KANK1: variants seen among roughly 807,000 people sequenced by gnomAD.
KANK1 encodes KN motif and ankyrin repeat domain-containing protein 1.
Under a neutral mutation model 106.2 loss-of-function variants are expected in KANK1, and 109 were observed. That is an observed-to-expected ratio of 1.03 (90% CI 0.88 to 1.20). KANK1 has a LOEUF of 1.20. KANK1 is among the 50% of genes most tolerant of loss of function. KANK1 has a pLI of 0.00. For synonymous variants in KANK1, 873 were observed against 652.2 expected (o/e 1.34, Z -5.16); for missense variants, 2,399 against 1,710.7 (o/e 1.40, Z -7.10).
At chr9:591,665 AATT>A in intron 1 of KANK1, among the ~76,000 whole-genome samples, 1 of 151,772 alleles carries the variant, frequency 6.6e-6, no homozygotes, top group East Asian at 1.9e-4. Flanking sequence ...GTCAATATGC[AATT>A]ATTTATTTAT....
intron 2 of KANK1, among the ~76,000 whole-genome samples, chr9:696,892 C>T (rs1821438408): frequency 1.3e-5 from 2 of 152,160 alleles, no homozygotes; most frequent in Admixed American, 1.3e-4. Context: ...CTGGGCTGTG[C>T]TCCCTAGTGG....
intron 1 of KANK1, among the ~76,000 whole-genome samples, chr9:541,428 G>T (rs186744731): frequency 1.3e-5 from 2 of 152,094 alleles, no homozygotes; most frequent in Admixed American, 1.3e-4. Flanking sequence ...AACTCAAAAT[G>T]GACTAAAGAT....
chr9:632,029 TG>T (rs1311169695), intron 1 of KANK1, among the ~76,000 whole-genome samples: 8 of 152,312 alleles, frequency 5.3e-5, no homozygotes, highest in African/African-American at 1.9e-4. Flanking sequence ...GTACAAAGAC[TG>T]TGTCATTAAT....
intron 1 of KANK1, among the ~76,000 whole-genome samples, chr9:507,086 G>GT (rs1028923881): frequency 2.0e-5 from 3 of 150,460 alleles, no homozygotes; most frequent in African/African-American, 7.3e-5. Flanking sequence ...GTTTTCAAGT[G>GT]TTTCGGGAAG....
intron 1 of KANK1, among the ~76,000 whole-genome samples, chr9:639,844 A>T (rs182982673): frequency 2.6e-5 from 4 of 152,322 alleles, no homozygotes; most frequent in Admixed American, 6.5e-5. Flanking sequence ...TTCCTCAAGG[A>T]TAGTGCCTTC....
At chr9:732,327 G>C (rs2131802442) in intron 5 of KANK1, 51 bp from the exon 6 acceptor site, 1 of 1,559,078 alleles carries the variant, frequency 6.4e-7, no homozygotes, top group Non-Finnish European at 8.7e-7. Context: ...TTCTATCACT[G>C]GGTCTTCGTG....
chr9:527,919 C>G (rs1587526370), intron 1 of KANK1, among the ~76,000 whole-genome samples: 1 of 148,392 alleles, frequency 6.7e-6, no homozygotes, highest in African/African-American at 2.6e-5. Flanking sequence ...ATCACAAGGT[C>G]AGGAGATTGA....
intron 1 of KANK1, among the ~76,000 whole-genome samples, chr9:658,849 C>A (rs1182402640): frequency 6.6e-6 from 1 of 151,986 alleles, no homozygotes; most frequent in African/African-American, 2.4e-5. Context: ...CCATTTTTAC[C>A]TTCCACCTTT....
chr9:517,880 G>A (rs985529078), intron 1 of KANK1, among the ~76,000 whole-genome samples: 4 of 151,034 alleles, frequency 2.6e-5, no homozygotes, highest in Non-Finnish European at 4.4e-5. Flanking sequence ...CTGGAATTAC[G>A]GAGTCCCCCA....
At chr9:676,515 A>C (rs539707776) in intron 1 of KANK1, among the ~76,000 whole-genome samples, 1 of 152,228 alleles carries the variant, frequency 6.6e-6, no homozygotes, top group Non-Finnish European at 1.5e-5. Flanking sequence ...GAATAAATGA[A>C]CTTTTTGAAC....
rs565960844 is a variant in KANK1 at position 591,720 on chromosome 9, G to A, written c.-83-85170G>A. Among the ~76,000 whole-genome samples, 4 of 151,806 alleles carry A rather than the reference G, an allele frequency of 2.6e-5. No homozygotes were observed. The East Asian group carries it at 5.8e-4, about 22-fold the overall frequency. The stretch of plus-strand genomic sequence containing the variant: ...CGCCTAGGCTGGAGTTCTGTGGTGC[G>A]ATCTTGGCTCACTCTGCAACCTCTG... On this transcript the variant is annotated intron_variant, in intron 1 of 11. Transcript: ENST00000382297.
At chr9:720,183 A>G (rs1317347534) in intron 3 of KANK1, among the ~76,000 whole-genome samples, 3 of 152,162 alleles carry the variant, frequency 2.0e-5, no homozygotes, top group Admixed American at 2.0e-4. Flanking sequence ...TATGGCTGTT[A>G]TAAGTTTGAG....
intron 2 of KANK1, among the ~76,000 whole-genome samples, 189 bp from the exon 3 acceptor site, chr9:710,615 C>CAAAAAAAAAAA (rs1222306010): frequency 5.6e-5 from 2 of 36,028 alleles, no homozygotes; most frequent in East Asian, 6.0e-4. Context: ...TGACCTGTCT[C>CAAAAAAAAAAA]AAAAAAAAAA....
intron 3 of KANK1, among the ~76,000 whole-genome samples, chr9:721,919 CAAG>C (rs1829443904): frequency 6.6e-6 from 1 of 152,226 alleles, no homozygotes; most frequent in Non-Finnish European, 1.5e-5. Context: ...GTTCCATAAG[CAAG>C]AAGAAATTAG....
Position 710,972 on chromosome 9 carries a change from C to T in KANK1, c.206C>T (p.Pro69Leu), listed in dbSNP as rs61737969. Residue 69 changes from proline (P) to leucine (L), a missense_variant, in exon 3 of 12, where the codon CCG becomes CTG. Pro to Leu is a moderately conservative substitution (Grantham distance 98). Coordinates refer to ENST00000382297, the MANE Select transcript of KANK1 (RefSeq NM_015158.5). ...CTGAACATCCAGAAGAGGCGGAAGCCGTCCGTGCCATGCCCAGAACCCAGG... is the reference window on the plus strand; with the variant it reads ...CTGAACATCCAGAAGAGGCGGAAGCTGTCCGTGCCATGCCCAGAACCCAGG... ...KRLNIQKRRK[P>L]SVPCPEPRTT... 2,875 of 1,614,120 alleles carry T rather than the reference C, an allele frequency of 1.8e-3. 22 individuals are homozygous for T. The African/African-American group carries it at 0.029, about 16-fold the overall frequency.
At chr9:675,477 A>G (rs1186571685) in intron 1 of KANK1, among the ~76,000 whole-genome samples, 1 of 152,212 alleles carries the variant, frequency 6.6e-6, no homozygotes, top group Non-Finnish European at 1.5e-5. Context: ...GTATTTGCAA[A>G]AACCAAAGGG....
rs192269437 is a variant in KANK1 at position 702,668 on chromosome 9, T to C, written c.38-8136T>C. On this transcript the variant is annotated intron_variant, in intron 2 of 11. Transcript: ENST00000382297. ...CTGGTCCTATTGAATGTAGCCTCTT[T>C]CCCTACGTCAGTCTCACGCACGCAC... Among the ~76,000 whole-genome samples the C allele has an allele frequency of 5.6e-4, 85 of 152,292 alleles. No homozygotes were observed. In the East Asian group the frequency reaches 0.015, roughly 27 times the overall value.
At chr9:567,541 C>T (rs1410283959) in intron 1 of KANK1, among the ~76,000 whole-genome samples, 2 of 152,202 alleles carry the variant, frequency 1.3e-5, no homozygotes, top group Non-Finnish European at 2.9e-5. Flanking sequence ...CTTACTGTCA[C>T]AGTTTTGCAA....
intron 1 of KANK1, among the ~76,000 whole-genome samples, chr9:514,159 CCTTCCTCT>C (rs1563696883): frequency 2.2e-4 from 19 of 87,666 alleles, no homozygotes; most frequent in African/African-American, 1.5e-3. Flanking sequence ...TCTCTCCCTC[CCTTCCTCT>C]CTCCCTCCCT....
Sources: gnomAD v4.1 joint callset for allele counts (sites outside exome capture counted in the v4.1 genomes callset) on GRCh38, gnomAD v4.1.1 for gene constraint, MANE v1.5 for transcripts, NCBI Gene and HGNC (gene_info 2026-07-23, HGNC 2026-07-21) for gene names.